Variants in SDK1 observed in about 807,000 individuals in gnomAD.
SDK1 encodes the protein sidekick cell adhesion molecule 1, also known as protein sidekick-1.
In SDK1, 157 loss-of-function variants were observed where a neutral mutation model predicts 245.5. The ratio of observed to expected loss-of-function variants is 0.64; its 90% CI spans 0.56 to 0.73. The LOEUF (loss-of-function observed/expected upper bound fraction) is 0.73, where lower values mean the gene tolerates loss of function less well. Among genes scored for constraint, SDK1 ranks in the 30% least tolerant of loss-of-function variants. The probability of loss-of-function intolerance (pLI) is 0.00; values close to 1 mark genes in which losing one functional copy is unlikely to be tolerated. For missense variants in SDK1, 3,583 were observed against 3,002.3 expected (o/e 1.19, Z -4.52); for synonymous variants, 1,647 against 1,278.5 (o/e 1.29, Z -6.15).
intron 1 of SDK1, among the ~76,000 whole-genome samples, chr7:3,424,177 G>T (rs142469799): frequency 6.6e-6 from 1 of 152,272 alleles, no homozygotes; most frequent in African/African-American, 2.4e-5. Flanking sequence ...CTGCCTAAGT[G>T]CTGGGATTAT....
At position 4,061,118 on chromosome 7, in the gene SDK1, A is replaced by G. The variant is rs553408327; in HGVS notation, c.2912-6720A>G. On this transcript the variant is annotated intron_variant, in intron 19 of 44. Transcript: ENST00000404826. The stretch of plus-strand genomic sequence containing the variant: ...TCTTTTGGCTTAGGATTGACTTGGC[A>G]ATGTGGGCTCTTTTTTGGTTCCATA... 7.9e-3 allele frequency among the ~76,000 whole-genome samples: 1,203 copies of G among 152,160 alleles called. 20 individuals are homozygous for G. Among genetic ancestry groups the G allele is most frequent in the African/African-American group, 0.027 (1,130 of 41,504 alleles).
At chr7:3,909,205 A>G (rs1014047443) in intron 5 of SDK1, among the ~76,000 whole-genome samples, 6 of 152,184 alleles carry the variant, frequency 3.9e-5, no homozygotes, top group Non-Finnish European at 8.8e-5. Context: ...CCTCTACTCC[A>G]TCATACACCT....
At chr7:3,498,810 G>T (rs570643029) in intron 1 of SDK1, among the ~76,000 whole-genome samples, 13 of 150,676 alleles carry the variant, frequency 8.6e-5, no homozygotes, top group Non-Finnish European at 1.6e-4. Flanking sequence ...CTTGTATGCT[G>T]ATGAGTTCCA....
At chr7:3,306,655 G>T (rs1779423994) in intron 1 of SDK1, among the ~76,000 whole-genome samples, 1 of 152,188 alleles carries the variant, frequency 6.6e-6, no homozygotes, top group South Asian at 2.1e-4. Context: ...TGCAAGTTAA[G>T]TGGGTAATTA....
intron 1 of SDK1, among the ~76,000 whole-genome samples, chr7:3,573,778 C>T (rs924721898): frequency 4.6e-5 from 7 of 151,920 alleles, no homozygotes; most frequent in African/African-American, 1.7e-4. Flanking sequence ...GATTTTTGAC[C>T]CTTCCTTTTC....
chr7:3,820,876 G>A (rs569999901), intron 4 of SDK1, among the ~76,000 whole-genome samples: 1 of 152,214 alleles, frequency 6.6e-6, no homozygotes, highest in Admixed American at 6.5e-5. Context: ...CTAAGACATG[G>A]TGAGATAGTA....
At chr7:3,448,329 A>G (rs938264498) in intron 1 of SDK1, among the ~76,000 whole-genome samples, 2 of 151,930 alleles carry the variant, frequency 1.3e-5, no homozygotes. Context: ...TGCTCATATT[A>G]TCTGGCCATT....
At chr7:4,125,068 G>T (rs1410905692) in intron 25 of SDK1, among the ~76,000 whole-genome samples, 2 of 151,416 alleles carry the variant, frequency 1.3e-5, no homozygotes, top group African/African-American at 4.9e-5. Context: ...GTAATGGGTG[G>T]ATGGATGGAT....
At chr7:3,302,773 G>A (rs112575375) in intron 1 of SDK1, among the ~76,000 whole-genome samples, 32 of 152,202 alleles carry the variant, frequency 2.1e-4, no homozygotes, top group African/African-American at 7.2e-4. Flanking sequence ...TTAGTGAACT[G>A]GTTTTGCTGA....
intron 1 of SDK1, among the ~76,000 whole-genome samples, chr7:3,543,089 A>G (rs574867021): frequency 6.6e-6 from 1 of 152,294 alleles, no homozygotes; most frequent in South Asian, 2.1e-4. Context: ...TGTATTTCAA[A>G]TTTTCCTGCC....
At chr7:3,550,667 T>C (rs1391030727) in intron 1 of SDK1, among the ~76,000 whole-genome samples, 2 of 152,214 alleles carry the variant, frequency 1.3e-5, no homozygotes, top group African/African-American at 4.8e-5. Context: ...GACAGATGTG[T>C]TCAGAAATTT....
At chr7:3,540,234 C>G (rs1014129384) in intron 1 of SDK1, among the ~76,000 whole-genome samples, 2 of 152,158 alleles carry the variant, frequency 1.3e-5, no homozygotes, top group Non-Finnish European at 2.9e-5. Context: ...TGACGAAACC[C>G]CATCACTACT....
At chr7:4,107,161 T>A (rs947173760) in intron 22 of SDK1, among the ~76,000 whole-genome samples, 1 of 6,584 alleles carries the variant, frequency 1.5e-4, no homozygotes, top group Non-Finnish European at 3.3e-4. Context: ...GTGGGGAGGG[T>A]GGGGCTGCAG....
At chr7:4,101,613 A>G (rs1584134365) in intron 22 of SDK1, among the ~76,000 whole-genome samples, 1 of 152,130 alleles carries the variant, frequency 6.6e-6, no homozygotes, top group East Asian at 1.9e-4. Context: ...AGGAGCACTG[A>G]CCCTCGATGA....
At chr7:3,673,438 C>G (rs1456561885) in intron 4 of SDK1, among the ~76,000 whole-genome samples, 2 of 152,086 alleles carry the variant, frequency 1.3e-5, no homozygotes, top group Non-Finnish European at 2.9e-5. Context: ...ACTCTCTATT[C>G]CTAGTTGTTT....
rs1241365449 is a variant in SDK1, at chr7:4,129,798, G to A, written c.3940-110G>A. On this transcript the variant is annotated intron_variant, in intron 26 of 44. Coordinates refer to ENST00000404826, the MANE Select transcript of SDK1 (RefSeq NM_152744.4). ...CCCTGCACACAGCCATCCTCAGGGA[G>A]AAAGCACAGTTGGCTGGGCCTTGAT... 4 of 1,545,242 alleles carry A rather than the reference G, an allele frequency of 2.6e-6. No homozygotes were observed. In the East Asian group the frequency reaches 9.1e-5, roughly 35 times the overall value.
At chr7:4,050,970 TTA>T (rs887075539) in intron 18 of SDK1, among the ~76,000 whole-genome samples, 1 of 141,524 alleles carries the variant, frequency 7.1e-6, no homozygotes, top group African/African-American at 2.6e-5. Flanking sequence ...ACTATATATG[TTA>T]TATATATGCT....
chr7:3,880,038 G>A (rs1031274846), intron 5 of SDK1, among the ~76,000 whole-genome samples: 3 of 152,068 alleles, frequency 2.0e-5, no homozygotes, highest in Non-Finnish European at 4.4e-5. Flanking sequence ...TTCTGCTGCT[G>A]GTAATCAAGA....
chr7:3,639,967 C>T (rs939304349), intron 3 of SDK1, among the ~76,000 whole-genome samples: 1 of 152,130 alleles, frequency 6.6e-6, no homozygotes, highest in Non-Finnish European at 1.5e-5. Context: ...CCTCCTCAGC[C>T]TCCCGAGTAG....
Sources: allele counts gnomAD v4.1 joint callset (sites outside exome capture counted in the v4.1 genomes callset), GRCh38; gene constraint gnomAD v4.1.1; transcripts MANE v1.5; gene names NCBI Gene and HGNC (gene_info 2026-07-23, HGNC 2026-07-21).